PDE1B: variants seen among roughly 807,000 people sequenced by gnomAD.
The protein encoded by PDE1B is phosphodiesterase 1B, also known as dual specificity calcium/calmodulin-dependent 3',5'-cyclic nucleotide phosphodiesterase 1B.
PDE1B carries 13 observed loss-of-function variants against 66.7 expected under a neutral mutation model. That is an observed-to-expected ratio of 0.19 (90% CI 0.13 to 0.31). PDE1B has a LOEUF of 0.31. PDE1B is among the 10% of genes least tolerant of loss of function. PDE1B has a pLI of 1.00. For missense variants in PDE1B, 485 were observed against 682.3 expected (o/e 0.71, Z 3.22); for synonymous variants, 230 against 253.9 (o/e 0.91, Z 0.90).
chr12:54,565,194 A>G (rs1395386552), intron 2 of PDE1B, among the ~76,000 whole-genome samples: 1 of 152,204 alleles, frequency 6.6e-6, no homozygotes, highest in East Asian at 1.9e-4. Context: ...CCCTGGGGAA[A>G]GTTTTGTAAA....
At chr12:54,564,861 ATTCCTGCC>A (rs2121091290) in intron 2 of PDE1B, among the ~76,000 whole-genome samples, 2 of 152,298 alleles carry the variant, frequency 1.3e-5, no homozygotes, top group African/African-American at 4.8e-5. Flanking sequence ...TGAATCCAGG[ATTCCTGCC>A]TCCCAGACTG....
intron 13 of PDE1B, 104 bp downstream of exon 13, chr12:54,576,204 G>A: frequency 1.3e-6 from 1 of 767,972 alleles, no homozygotes; most frequent in South Asian, 1.5e-5. Context: ...GTGGGGTGGT[G>A]GGGAGGCAGA....
At chr12:54,570,127 A>G in intron 5 of PDE1B, 114 bp from the exon 6 acceptor site, 1 of 695,540 alleles carries the variant, frequency 1.4e-6, no homozygotes, top group East Asian at 2.7e-5. Flanking sequence ...ACACTTTACC[A>G]TTTCTTTGCT....
At chr12:54,556,557 C>T (rs1486514162) in intron 2 of PDE1B, among the ~76,000 whole-genome samples, 2 of 152,124 alleles carry the variant, frequency 1.3e-5, no homozygotes, top group African/African-American at 4.8e-5. Context: ...GTCCAGATTC[C>T]ACTTCAGCAC....
At position 54,576,029 on chromosome 12, in the gene PDE1B, G is replaced by C; in HGVS notation, c.1305G>C (p.Val435=). ...IDFIVEPTFS[V]LTDVAEKSVQ... ...TCATTGTGGAGCCCACATTCTCTGT[G>C]CTGACTGACGTGGCAGAGAAGAGTG... The change falls in exon 13 of 16, where the codon GTG becomes GTC. Residue 435 remains valine (V), a synonymous_variant. Transcript: ENST00000243052. 2.5e-6 allele frequency: 4 copies of C among 1,614,060 alleles called. No individual in the cohort carries two copies. Among genetic ancestry groups the C allele is most frequent in the Non-Finnish European group, 3.4e-6 (4 of 1,179,882 alleles).
Position 54,569,317 on chromosome 12 carries a change from A to T in PDE1B, c.361A>T (p.Lys121Ter). ...AKGRRAEEKP[K>*]FRSIVHAVQA... is the part of the protein sequence containing the mutation. ...AGGCCGCCGAGCAGAGGAGAAGCCC[A>T]AGTTCCGAAGCATTGTGCACGCTGT... Residue 121 changes from lysine (K) to a stop codon, truncating the protein, a stop_gained, in exon 4 of 16, where the codon AAG becomes TAG. Coordinates refer to ENST00000243052, the MANE Select transcript of PDE1B (RefSeq NM_000924.4). LOFTEE classifies it high-confidence loss of function. The surrounding 1 kb of genome is among the most constrained non-coding windows in gnomAD (Gnocchi z 4.4). 1 of 1,613,800 alleles carries T rather than the reference A, an allele frequency of 6.2e-7. No individual in the cohort carries two copies. The highest frequency in any genetic ancestry group is 8.5e-7 in the Non-Finnish European group (1 of 1,179,838).
Position 54,569,595 on chromosome 12 carries a change from G to C in PDE1B, c.460G>C (p.Val154Leu). ...TGTGGGCCCCACTTACTCTACTGCG[G>C]TTCTCAACTGTCTCAAGGTAATCTC... The part of the protein sequence containing the change: ...TSVGPTYSTA[V>L]LNCLKNLDLW... Residue 154 changes from valine (V) to leucine (L), a missense_variant, in exon 5 of 16, where the codon GTT becomes CTT. This residue lies in a region of PDE1B where 282 missense variants were observed against 453.4 expected (regional missense o/e 0.62). Coordinates refer to ENST00000243052, the MANE Select transcript of PDE1B (RefSeq NM_000924.4). The surrounding 1 kb of genome is among the most constrained non-coding windows in gnomAD (Gnocchi z 4.4). 6.2e-7 allele frequency: 1 copy of C among 1,612,990 alleles called. No homozygotes were observed. Among genetic ancestry groups the C allele is most frequent in the South Asian group, 1.1e-5 (1 of 91,056 alleles).
chr12:54,575,949 G>A lies in PDE1B; in HGVS notation c.1268-43G>A, dbSNP rs778651254. 9 of 1,374,856 alleles carry A rather than the reference G, an allele frequency of 6.5e-6. No individual in the cohort carries two copies. The African/African-American group carries it at 1.1e-4, about 17-fold the overall frequency. The allele number at this position is 1,374,856 out of a possible 1,614,324, so 85.2% of individuals were successfully genotyped here. ...GCTGCATGCTCTGCCTAGCCCTCCA[G>A]ATAATAGTAAGACATCTCTACGGCA... On this transcript the variant is annotated intron_variant, in intron 12 of 15. Coordinates refer to ENST00000243052, the MANE Select transcript of PDE1B (RefSeq NM_000924.4). The surrounding 1 kb of genome is among the most constrained non-coding windows in gnomAD (Gnocchi z 4.0).
At chr12:54,577,189 TG>T in intron 14 of PDE1B, 35 bp from the exon 15 acceptor site, 1 of 1,546,414 alleles carries the variant, frequency 6.5e-7, no homozygotes, top group South Asian at 1.1e-5. Context: ...GAATACTTCT[TG>T]GCCTAAGCTC....
Position 54,549,722 on chromosome 12 carries a change from G to C in PDE1B, c.-64G>C. On this transcript the variant is annotated 5_prime_UTR_variant, in exon 1 of 16. Transcript: ENST00000243052. ...AGCCGCAGGAGCTGCAGCTCTGCCA[G>C]CTTGGGCCGAGCCTAGAGACACCGG... The C allele has an allele frequency of 1.8e-6, 1 of 557,060 alleles. No individual in the cohort carries two copies. The highest frequency in any genetic ancestry group is 3.1e-5 in the East Asian group (1 of 32,238). The allele number at this position is 557,060 out of a possible 1,614,324, so 34.5% of individuals were successfully genotyped here. A position where few individuals can be genotyped will look rare whatever the true frequency, so the allele number is the denominator to read the frequency against.
rs1339557198 is a variant in PDE1B, at chr12:54,578,396, G to GTACC, written c.*556_*559dup. On this transcript the variant is annotated 3_prime_UTR_variant, in exon 16 of 16. Transcript: ENST00000243052. Reference sequence around the variant, plus strand: ...GGGGAGTGGATTCCTTCAGGGCATGGTACCTTTCTAGGACCTGGGAATGGG... The same window carrying GTACC: ...GGGGAGTGGATTCCTTCAGGGCATGGTACCTACCTTTCTAGGACCTGGGAATGGG... 1.3e-5 allele frequency: 2 copies of GTACC among 152,106 alleles called. No individual in the cohort carries two copies. The highest frequency in any genetic ancestry group is 1.3e-4 in the Admixed American group (2 of 15,282). The allele number at this position is 152,106 out of a possible 1,614,324, so 9.4% of individuals were successfully genotyped here.
intron 10 of PDE1B, chr12:54,574,897 C>T (rs1266095907): frequency 7.1e-6 from 3 of 420,098 alleles, no homozygotes; most frequent in African/African-American, 2.1e-5. Context: ...ATCACTTGAA[C>T]CCAGGTGACA....
rs765567190 is a variant in PDE1B at position 54,549,995 on chromosome 12, C to T, written c.113+10C>T. 6.8e-6 allele frequency: 11 copies of T among 1,612,448 alleles called. No individual in the cohort carries two copies. The East Asian group carries it at 1.1e-4, about 16-fold the overall frequency. On this transcript the variant is annotated intron_variant, in intron 2 of 15. Coordinates refer to ENST00000243052, the MANE Select transcript of PDE1B (RefSeq NM_000924.4). ...TTAAGCTTCGGTCTCTGTAAGTCCCCGGCCCGGGAATGGGGGGAAGGGACC... is the reference window on the plus strand; with the variant it reads ...TTAAGCTTCGGTCTCTGTAAGTCCCTGGCCCGGGAATGGGGGGAAGGGACC...
At position 54,578,395 on chromosome 12, in the gene PDE1B, G is replaced by C. The variant is rs1221951862; in HGVS notation, c.*553G>C. On this transcript the variant is annotated 3_prime_UTR_variant, in exon 16 of 16. Coordinates refer to ENST00000243052, the MANE Select transcript of PDE1B (RefSeq NM_000924.4). Reference sequence around the variant, plus strand: ...AGGGGAGTGGATTCCTTCAGGGCATGGTACCTTTCTAGGACCTGGGAATGG... The same window carrying C: ...AGGGGAGTGGATTCCTTCAGGGCATCGTACCTTTCTAGGACCTGGGAATGG... 1 of 152,102 alleles carries C rather than the reference G, an allele frequency of 6.6e-6. No individual in the cohort carries two copies. The highest frequency in any genetic ancestry group is 1.5e-5 in the Non-Finnish European group (1 of 68,030). The allele number at this position is 152,102 out of a possible 1,614,324, so 9.4% of individuals were successfully genotyped here. A position where few individuals can be genotyped will look rare whatever the true frequency, so the allele number is the denominator to read the frequency against.
At chr12:54,570,163 C>A in intron 5 of PDE1B, 78 bp from the exon 6 acceptor site, 1 of 832,506 alleles carries the variant, frequency 1.2e-6, no homozygotes, top group Non-Finnish European at 2.1e-6. Context: ...ACTTTGTACT[C>A]ATGGGAAGTC....
intron 2 of PDE1B, chr12:54,561,395 G>A: frequency 8.5e-7 from 1 of 1,176,980 alleles, no homozygotes; most frequent in Non-Finnish European, 1.1e-6. Flanking sequence ...GGTAGGCTGG[G>A]TCTCTGCCTC....
chr12:54,573,256 G>T lies in PDE1B; in HGVS notation c.836+8G>T. On this transcript the variant is annotated splice_region_variant and intron_variant, in intron 8 of 15. Coordinates refer to ENST00000243052, the MANE Select transcript of PDE1B (RefSeq NM_000924.4). This position sits in a 1 kb window ranked among gnomAD's most constrained non-coding sequence, Gnocchi z 5.2. ...CTTCCACATCCAGACCAAGTGAGGG[G>T]TGGGGATGTGGCAGGGGCAGGAGGG... 1.9e-6 allele frequency: 3 copies of T among 1,613,384 alleles called. No individual in the cohort carries two copies. Among genetic ancestry groups the T allele is most frequent in the Non-Finnish European group, 2.5e-6 (3 of 1,179,334 alleles).
In PDE1B at chr12:54,569,386, A is replaced by G; in HGVS notation, c.410+20A>G. 6.3e-7 allele frequency: 1 copy of G among 1,594,108 alleles called. No individual in the cohort carries two copies. Among genetic ancestry groups the G allele is most frequent in the South Asian group, 1.1e-5 (1 of 88,238 alleles). On this transcript the variant is annotated intron_variant, in intron 4 of 15. Coordinates refer to ENST00000243052, the MANE Select transcript of PDE1B (RefSeq NM_000924.4). The surrounding 1 kb of genome is among the most constrained non-coding windows in gnomAD (Gnocchi z 4.4). ...GGAACGGTGAGGCTCGCCCACACTC[A>G]GCCTCCCTCTGCCTTTAGCTGTGCC...
intron 3 of PDE1B, among the ~76,000 whole-genome samples, chr12:54,568,968 A>G (rs1485241922): frequency 6.6e-6 from 1 of 152,180 alleles, no homozygotes. Context: ...AAACACTTCC[A>G]TAGTTGGGAT....
Sources: allele counts gnomAD v4.1 joint callset (sites outside exome capture counted in the v4.1 genomes callset), GRCh38; gene constraint gnomAD v4.1.1; regional missense constraint gnomAD v4.1.1; non-coding constraint Gnocchi (gnomAD v3.1); transcripts MANE v1.5; gene names NCBI Gene and HGNC (gene_info 2026-07-23, HGNC 2026-07-21).